The following SLC24A2 variants were observed in gnomAD, a reference collection of about 807,000 sequenced individuals.
The protein encoded by SLC24A2 is solute carrier family 24 member 2.
In SLC24A2, 36 loss-of-function variants were observed where a neutral mutation model predicts 62.0. The ratio of observed to expected loss-of-function variants is 0.58; its 90% CI spans 0.44 to 0.77. SLC24A2 has a LOEUF of 0.77. Ranked by LOEUF, SLC24A2 falls within the 30% of genes least tolerant of loss-of-function variation. The probability of loss-of-function intolerance (pLI) is 0.00; values close to 1 mark genes in which losing one functional copy is unlikely to be tolerated. For synonymous variants in SLC24A2, 358 were observed against 294.0 expected, an observed-to-expected ratio of 1.22 and a Z score of -2.23; for missense variants, 846 against 817.9, an observed-to-expected ratio of 1.03 and a Z score of -0.42.
chr9:20,142,462 A>T, the SLC24A2 span, among the ~76,000 whole-genome samples: 5 of 152,238 alleles, frequency 3.3e-5, no homozygotes, highest in African/African-American at 9.6e-5. Flanking sequence ...TTTGTTTTTT[A>T]AAAAATTAAT....
chr9:20,108,244 T>C, the SLC24A2 span, among the ~76,000 whole-genome samples: 451 of 152,222 alleles, frequency 3.0e-3, 5 homozygotes, highest in African/African-American at 0.01. Flanking sequence ...TTTTACACCG[T>C]TGATGGGACT....
the SLC24A2 span, among the ~76,000 whole-genome samples, chr9:20,162,372 T>C: frequency 1.3e-5 from 2 of 151,744 alleles, no homozygotes; most frequent in African/African-American, 4.8e-5. Flanking sequence ...TCTAAACTTG[T>C]ATGAAGCAAA....
At chr9:19,789,126 G>T (rs113636668), upstream of SLC24A2, among the ~76,000 whole-genome samples, 3 of 151,844 alleles carry the variant, frequency 2.0e-5, no homozygotes, top group South Asian at 4.2e-4. Flanking sequence ...CGCTGGGAGC[G>T]GGGCCGCAGC....
At chr9:20,069,311 A>T in the SLC24A2 span, among the ~76,000 whole-genome samples, 1 of 152,214 alleles carries the variant, frequency 6.6e-6, no homozygotes, top group African/African-American at 2.4e-5. Context: ...ATATTGATTT[A>T]AATTTTCCAT....
chr9:19,999,960 G>A, the SLC24A2 span, among the ~76,000 whole-genome samples: 3 of 152,164 alleles, frequency 2.0e-5, no homozygotes, highest in Admixed American at 6.5e-5. Flanking sequence ...TGGCCTGAAT[G>A]TTCAAGACAG....
the SLC24A2 span, among the ~76,000 whole-genome samples, chr9:19,854,441 A>C: frequency 1.3e-5 from 2 of 152,096 alleles, no homozygotes; most frequent in South Asian, 2.1e-4. Context: ...TGGTGCTATA[A>C]ATTTTCATCT....
At chr9:20,191,826 A>C in the SLC24A2 span, among the ~76,000 whole-genome samples, 7 of 152,232 alleles carry the variant, frequency 4.6e-5, no homozygotes, top group African/African-American at 1.4e-4. Flanking sequence ...AAAAAGAGTG[A>C]GGTTTCCAGA....
At chr9:19,620,193 T>C (rs1414152423) in intron 3 of SLC24A2, among the ~76,000 whole-genome samples, 2 of 152,222 alleles carry the variant, frequency 1.3e-5, no homozygotes, top group African/African-American at 4.8e-5. Flanking sequence ...TTTAAATGTA[T>C]ATAAATAGGC....
the SLC24A2 span, among the ~76,000 whole-genome samples, chr9:20,013,226 C>CT: frequency 8.4e-6 from 1 of 119,204 alleles, no homozygotes. Context: ...TGAAACAGGA[C>CT]TTAAAAAAAA....
At chr9:19,779,428 G>A (rs1448981284) in intron 2 of SLC24A2, among the ~76,000 whole-genome samples, 5 of 152,156 alleles carry the variant, frequency 3.3e-5, no homozygotes, top group Non-Finnish European at 5.9e-5. Flanking sequence ...CAGCAAAAAC[G>A]GAATTGAGAG....
the SLC24A2 span, among the ~76,000 whole-genome samples, chr9:20,070,772 A>C: frequency 6.6e-6 from 1 of 152,216 alleles, no homozygotes; most frequent in Non-Finnish European, 1.5e-5. Context: ...TCAGAACAAG[A>C]TTGATTAGCC....
the SLC24A2 span, among the ~76,000 whole-genome samples, chr9:19,842,307 T>C: frequency 6.6e-6 from 1 of 152,218 alleles, no homozygotes; most frequent in African/African-American, 2.4e-5. Flanking sequence ...AACTGTTGAA[T>C]GAACTGGTCT....
chr9:20,239,938 G>T, the SLC24A2 span, among the ~76,000 whole-genome samples: 1 of 151,240 alleles, frequency 6.6e-6, no homozygotes, highest in African/African-American at 2.4e-5. Context: ...GAGGGTGTTA[G>T]GTATTTCAAT....
At chr9:19,635,229 T>C (rs1305743181) in intron 2 of SLC24A2, among the ~76,000 whole-genome samples, 1 of 152,228 alleles carries the variant, frequency 6.6e-6, no homozygotes, top group Non-Finnish European at 1.5e-5. Flanking sequence ...AGCACTATTT[T>C]CATTGTTGGA....
the SLC24A2 span, among the ~76,000 whole-genome samples, chr9:20,301,451 T>G: frequency 6.6e-6 from 1 of 152,186 alleles, no homozygotes; most frequent in African/African-American, 2.4e-5. Context: ...CCCTTCTATG[T>G]GTATACTTTC....
chr9:20,027,377 T>A, the SLC24A2 span, among the ~76,000 whole-genome samples: 11 of 152,238 alleles, frequency 7.2e-5, no homozygotes, highest in African/African-American at 2.6e-4. Flanking sequence ...TTATTCACAA[T>A]AGCCAAAATA....
chr9:20,224,858 C>T, the SLC24A2 span, among the ~76,000 whole-genome samples: 6 of 151,854 alleles, frequency 4.0e-5, no homozygotes, highest in African/African-American at 1.2e-4. Context: ...CAGCTGCCCT[C>T]ATTTCCACAG....
the SLC24A2 span, among the ~76,000 whole-genome samples, chr9:19,835,118 A>G: frequency 6.6e-6 from 1 of 152,202 alleles, no homozygotes; most frequent in Admixed American, 6.5e-5. Context: ...CCACTGCAAA[A>G]ACATGCCAAA....
the SLC24A2 span, among the ~76,000 whole-genome samples, chr9:19,951,281 A>AT: frequency 6.7e-6 from 1 of 149,658 alleles, no homozygotes; most frequent in Non-Finnish European, 1.5e-5. Context: ...TATTCTGGAT[A>AT]TTTTTTTCAA....
Sources: allele counts gnomAD v4.1 joint callset (sites outside exome capture counted in the v4.1 genomes callset), GRCh38; gene constraint gnomAD v4.1.1; transcripts MANE v1.5; gene names NCBI Gene and HGNC (gene_info 2026-07-23, HGNC 2026-07-21).